HORMAD2: variants seen among roughly 807,000 people sequenced by gnomAD.
HORMAD2 encodes HORMA domain containing 2.
In HORMAD2, 45 loss-of-function variants were observed where a neutral mutation model predicts 38.8. The ratio of observed to expected loss-of-function variants is 1.16; its 90% CI spans 0.91 to 1.49. The LOEUF is 1.49. HORMAD2 is among the 40% of genes most tolerant of loss of function. HORMAD2 has a pLI of 0.00. For synonymous variants in HORMAD2, 126 were observed against 122.8 expected, an observed-to-expected ratio of 1.03 and a Z score of -0.17; for missense variants, 338 against 367.0, an observed-to-expected ratio of 0.92 and a Z score of 0.65.
At chr22:30,170,858 A>G (rs1476985578) in intron 10 of HORMAD2, among the ~76,000 whole-genome samples, 1 of 152,298 alleles carries the variant, frequency 6.6e-6, no homozygotes. Context: ...AATGACTTCA[A>G]GGTGACTTCT....
chr22:30,169,220 A>G (rs898477733), intron 10 of HORMAD2, among the ~76,000 whole-genome samples: 1 of 152,038 alleles, frequency 6.6e-6, no homozygotes, highest in Non-Finnish European at 1.5e-5. Context: ...GCTGTACCCT[A>G]TATATGACTC....
the HORMAD2 span, chr22:30,207,224 A>G: frequency 7.5e-6 from 3 of 399,256 alleles, no homozygotes; most frequent in South Asian, 3.8e-5. Flanking sequence ...GTTTGGGACG[A>G]CAGGTGCATG....
At chr22:30,144,774 C>T (rs1047206816) in intron 10 of HORMAD2, among the ~76,000 whole-genome samples, 6 of 152,006 alleles carry the variant, frequency 3.9e-5, no homozygotes, top group Admixed American at 2.0e-4. Flanking sequence ...ACCAGTGAGG[C>T]TGGAAGTATA....
intron 6 of HORMAD2, among the ~76,000 whole-genome samples, 185 bp from the exon 7 acceptor site, chr22:30,112,311 C>T (rs951291319): frequency 6.6e-6 from 1 of 152,014 alleles, no homozygotes; most frequent in African/African-American, 2.4e-5. Context: ...TCCTTTTATT[C>T]AGTGTTCACA....
At chr22:30,186,492 G>T in the HORMAD2 span, among the ~76,000 whole-genome samples, 2 of 151,642 alleles carry the variant, frequency 1.3e-5, no homozygotes, top group Admixed American at 1.3e-4. Context: ...AACATAAAGT[G>T]TTTGTTTCTC....
chr22:30,087,718 A>C (rs1019773229), intron 1 of HORMAD2, among the ~76,000 whole-genome samples: 1 of 146,786 alleles, frequency 6.8e-6, no homozygotes, highest in African/African-American at 2.5e-5. Context: ...AGAGAGAGAG[A>C]GAGGAAAAAA....
In HORMAD2 at chr22:30,088,071, AC is replaced by A. The variant is rs1187319073; in HGVS notation, c.-37-5844del. Reference sequence around the variant, plus strand: ...CGTACACACGTATACATATACACACACGTACACACGTGTACATATACACACA... The same window carrying A: ...CGTACACACGTATACATATACACACAGTACACACGTGTACATATACACACA... On this transcript the variant is annotated intron_variant, in intron 1 of 10. Transcript: ENST00000336726. Among the ~76,000 whole-genome samples the A allele has an allele frequency of 4.7e-5, 7 of 150,022 alleles. No individual in the cohort carries two copies. The Admixed American group carries it at 4.7e-4, about 10-fold the overall frequency.
chr22:30,166,445 T>A (rs1925786275), intron 10 of HORMAD2, among the ~76,000 whole-genome samples: 1 of 152,204 alleles, frequency 6.6e-6, no homozygotes, highest in Non-Finnish European at 1.5e-5. Flanking sequence ...AATTTTAAGT[T>A]TTATTTCATT....
Position 30,111,965 on chromosome 22 carries a change from G to T in HORMAD2, c.315+149G>T. The T allele has an allele frequency of 5.3e-6, 3 of 570,576 alleles. No individual in the cohort carries two copies. In the Middle Eastern group the frequency reaches 8.0e-4, roughly 153 times the overall value. 35.3% of individuals were successfully genotyped at this position (570,576 alleles called of 1,614,324 possible). A position where few individuals can be genotyped will look rare whatever the true frequency, so the allele number is the denominator to read the frequency against. On this transcript the variant is annotated intron_variant, in intron 6 of 10. Coordinates refer to ENST00000336726, the MANE Select transcript of HORMAD2 (RefSeq NM_152510.4). ...ATTAAAAACATAGGATCTATCAGAA[G>T]TTTAATAAAAGATTATGAATTGTAT... is the stretch of plus-strand genomic sequence containing the variant.
At chr22:30,081,490 T>C (rs2068473809) in intron 1 of HORMAD2, among the ~76,000 whole-genome samples, 1 of 152,218 alleles carries the variant, frequency 6.6e-6, no homozygotes, top group South Asian at 2.1e-4. Flanking sequence ...GTGAATAATT[T>C]ATTGAAGCAA....
intron 10 of HORMAD2, among the ~76,000 whole-genome samples, chr22:30,146,941 A>G (rs1924456610): frequency 6.6e-6 from 1 of 152,310 alleles, no homozygotes; most frequent in Admixed American, 6.5e-5. Context: ...ACCATTTACA[A>G]TACTATAAAA....
At chr22:30,130,788 G>A (rs151238651) in intron 10 of HORMAD2, among the ~76,000 whole-genome samples, 2 of 151,424 alleles carry the variant, frequency 1.3e-5, no homozygotes, top group Non-Finnish European at 3.0e-5. Context: ...ACAGGGTTTC[G>A]CCATGTTGCC....
At chr22:30,113,104 T>C (rs1921783540) in intron 7 of HORMAD2, among the ~76,000 whole-genome samples, 1 of 152,168 alleles carries the variant, frequency 6.6e-6, no homozygotes, top group Non-Finnish European at 1.5e-5. Flanking sequence ...TCATATCTTA[T>C]ATGTAAACCT....
chr22:30,153,818 CA>C (rs376269017), intron 10 of HORMAD2, among the ~76,000 whole-genome samples: 45 of 152,330 alleles, frequency 3.0e-4, no homozygotes, highest in African/African-American at 1.0e-3. Flanking sequence ...TCTTCTCCCT[CA>C]AAACCTATAT....
At chr22:30,103,385 A>T in intron 3 of HORMAD2, 52 bp from the exon 4 acceptor site, 1 of 967,970 alleles carries the variant, frequency 1.0e-6, no homozygotes, top group Non-Finnish European at 1.6e-6. Flanking sequence ...GGACAATTTC[A>T]GTACAGCAGT....
chr22:30,118,457 A>G (rs778723256), intron 7 of HORMAD2, among the ~76,000 whole-genome samples: 9 of 152,050 alleles, frequency 5.9e-5, no homozygotes, highest in Non-Finnish European at 1.0e-4. Flanking sequence ...CCCTTCATGT[A>G]CCTCTCTATC....
intron 8 of HORMAD2, 57 bp from the exon 9 acceptor site, chr22:30,121,575 T>C: frequency 2.2e-6 from 3 of 1,361,242 alleles, no homozygotes; most frequent in Non-Finnish European, 2.9e-6. Flanking sequence ...TTGTTCCTTT[T>C]GGGATAGATT....
intron 1 of HORMAD2, among the ~76,000 whole-genome samples, chr22:30,088,115 A>ACACACACACACACACATGTG (rs1569079458): frequency 2.2e-4 from 33 of 148,006 alleles, no homozygotes; most frequent in Non-Finnish European, 4.3e-4. Flanking sequence ...ACGTGTACAT[A>ACACACACACACACACATGTG]TACACACACG....
At chr22:30,118,069 C>T (rs1270640107) in intron 7 of HORMAD2, among the ~76,000 whole-genome samples, 2 of 151,994 alleles carry the variant, frequency 1.3e-5, no homozygotes, top group Admixed American at 1.3e-4. Flanking sequence ...TTATTTCTTC[C>T]CCTCTGCACT....
Sources: allele counts gnomAD v4.1 joint callset (sites outside exome capture counted in the v4.1 genomes callset), GRCh38; gene constraint gnomAD v4.1.1; transcripts MANE v1.5; gene names NCBI Gene and HGNC (gene_info 2026-07-23, HGNC 2026-07-21).